DRC8: variants seen among roughly 807,000 people sequenced by gnomAD.
The protein encoded by DRC8 is dynein regulatory complex protein 8.
chr1:245,058,268 C>T, the DRC8 span, among the ~76,000 whole-genome samples: 1 of 151,234 alleles, frequency 6.6e-6, no homozygotes, highest in African/African-American at 2.4e-5. Context: ...ATAATAATAT[C>T]TTTGCTATAT....
chr1:245,082,244 A>G, the DRC8 span: 1 of 1,273,870 alleles, frequency 7.9e-7, no homozygotes, highest in South Asian at 1.2e-5. Flanking sequence ...TGGCTTTTTC[A>G]CTTTGTGTGT....
the DRC8 span, chr1:245,087,699 T>A: frequency 2.0e-6 from 2 of 1,024,852 alleles, no homozygotes; most frequent in Non-Finnish European, 2.3e-6. Flanking sequence ...AGGTTTGGCA[T>A]GTAAAGATCT....
the DRC8 span, among the ~76,000 whole-genome samples, chr1:245,062,360 CT>C: frequency 5.3e-5 from 8 of 152,152 alleles, no homozygotes; most frequent in Admixed American, 4.6e-4. Context: ...TACTTTCTGC[CT>C]TTTGGAATAT....
chr1:245,073,089 A>G, the DRC8 span, among the ~76,000 whole-genome samples: 1 of 152,192 alleles, frequency 6.6e-6, no homozygotes, highest in Non-Finnish European at 1.5e-5. Context: ...AATGAAAACT[A>G]TGAACTTTGG....
At chr1:245,079,688 C>A in the DRC8 span, among the ~76,000 whole-genome samples, 9 of 152,276 alleles carry the variant, frequency 5.9e-5, no homozygotes, top group Admixed American at 3.9e-4. Context: ...TTGAGACTGC[C>A]TGCTCTACAG....
At chr1:245,034,529 A>G in the DRC8 span, among the ~76,000 whole-genome samples, 7,517 of 138,698 alleles carry the variant, frequency 0.054, 635 homozygotes, top group African/African-American at 0.18. Context: ...TGAACCTAGG[A>G]GGCAGAGGTT....
chr1:245,031,963 A>C, the DRC8 span, among the ~76,000 whole-genome samples: 1 of 152,176 alleles, frequency 6.6e-6, no homozygotes, highest in East Asian at 1.9e-4. Flanking sequence ...CTGCCTCTGA[A>C]TTTATTTGCA....
chr1:245,041,471 A>C, the DRC8 span, among the ~76,000 whole-genome samples: 1 of 152,216 alleles, frequency 6.6e-6, no homozygotes, highest in Non-Finnish European at 1.5e-5. Flanking sequence ...GAGCAGAAGC[A>C]GAATGACAGC....
the DRC8 span, among the ~76,000 whole-genome samples, chr1:245,007,077 T>C: frequency 6.6e-6 from 1 of 152,320 alleles, no homozygotes; most frequent in South Asian, 2.1e-4. Context: ...CAGTAGAAGA[T>C]AGCAGTGAGA....
the DRC8 span, among the ~76,000 whole-genome samples, chr1:245,073,318 T>C: frequency 6.6e-6 from 1 of 152,118 alleles, no homozygotes; most frequent in African/African-American, 2.4e-5. Context: ...GTAGTTTTAG[T>C]AGAGGTGTGG....
chr1:245,068,630 C>A, the DRC8 span, among the ~76,000 whole-genome samples: 3 of 148,904 alleles, frequency 2.0e-5, no homozygotes, highest in African/African-American at 7.5e-5. Context: ...TTTTTAGAGA[C>A]GGGGCCTTGA....
chr1:245,100,395 G>GTAGTAATAA, the DRC8 span, among the ~76,000 whole-genome samples: 25 of 149,250 alleles, frequency 1.7e-4, no homozygotes, highest in Admixed American at 1.7e-3. Context: ...AAAAGTAGTA[G>GTAGTAATAA]TAATAATAAT....
At chr1:245,037,948 A>G in the DRC8 span, among the ~76,000 whole-genome samples, 1 of 152,184 alleles carries the variant, frequency 6.6e-6, no homozygotes, top group African/African-American at 2.4e-5. Flanking sequence ...TATAAATGCT[A>G]CATAATTCAG....
the DRC8 span, among the ~76,000 whole-genome samples, chr1:245,016,807 T>G: frequency 6.6e-6 from 1 of 152,178 alleles, no homozygotes; most frequent in Admixed American, 6.5e-5. Flanking sequence ...AAGCAAAGAA[T>G]AAGGCAAGGT....
the DRC8 span, chr1:245,083,450 C>T: frequency 3.0e-5 from 49 of 1,613,462 alleles, no homozygotes; most frequent in Non-Finnish European, 4.0e-5. Flanking sequence ...AGATACAGAC[C>T]AATTCCAGAA....
chr1:244,972,042 G>C, the DRC8 span, among the ~76,000 whole-genome samples: 1 of 151,026 alleles, frequency 6.6e-6, no homozygotes, highest in South Asian at 2.1e-4. Context: ...ACTTGGTTAG[G>C]TCAGCATGAG....
chr1:245,081,538 G>A, the DRC8 span, among the ~76,000 whole-genome samples: 2 of 151,808 alleles, frequency 1.3e-5, no homozygotes, highest in Non-Finnish European at 2.9e-5. Flanking sequence ...GTGCGATCTC[G>A]GCTCACTGCA....
chr1:245,031,778 G>T, the DRC8 span, among the ~76,000 whole-genome samples: 1 of 152,130 alleles, frequency 6.6e-6, no homozygotes, highest in African/African-American at 2.4e-5. Flanking sequence ...TTGGTTAACA[G>T]GATGGCCCCC....
At chr1:245,087,079 C>G in the DRC8 span, 1 of 1,017,036 alleles carries the variant, frequency 9.8e-7, no homozygotes, top group South Asian at 1.7e-5. Flanking sequence ...ATAGCCTTGT[C>G]TTTGAACCTC....
Sources: gnomAD v4.1 joint callset for allele counts (sites outside exome capture counted in the v4.1 genomes callset) on GRCh38, gnomAD v4.1.1 for gene constraint, MANE v1.5 for transcripts, NCBI Gene and HGNC (gene_info 2026-07-23, HGNC 2026-07-21) for gene names.